NUP160: variants seen among roughly 807,000 people sequenced by gnomAD.
NUP160 encodes the protein nuclear pore complex protein Nup160.
Under a neutral mutation model 196.9 loss-of-function variants are expected in NUP160, and 94 were observed. That is an observed-to-expected ratio of 0.48 (90% CI 0.40 to 0.57). The LOEUF (loss-of-function observed/expected upper bound fraction) is 0.57, where lower values mean the gene tolerates loss of function less well. Ranked by LOEUF, NUP160 falls within the 20% of genes least tolerant of loss-of-function variation. NUP160 has a pLI of 0.00. For synonymous variants in NUP160, 605 were observed against 619.7 expected, an observed-to-expected ratio of 0.98 and a Z score of 0.35; for missense variants, 1,638 against 1,748.3, an observed-to-expected ratio of 0.94 and a Z score of 1.13.
At chr11:47,816,726 A>C (rs2097684680) in intron 11 of NUP160, among the ~76,000 whole-genome samples, 2 of 152,092 alleles carry the variant, frequency 1.3e-5, no homozygotes, top group African/African-American at 4.8e-5. Flanking sequence ...CAGTGAGCCA[A>C]GATCGTGCCA....
At chr11:47,838,609 G>A (rs1284683511) in intron 4 of NUP160, among the ~76,000 whole-genome samples, 1 of 150,520 alleles carries the variant, frequency 6.6e-6, no homozygotes, top group African/African-American at 2.5e-5. Flanking sequence ...TTGGGAGGCT[G>A]AGACATGAGA....
chr11:47,826,890 T>G (rs7110300), intron 7 of NUP160, among the ~76,000 whole-genome samples: 52,714 of 151,944 alleles, frequency 0.35, 10,583 homozygotes, highest in South Asian at 0.52. Flanking sequence ...TAACACTGCA[T>G]TATTTGCCTT....
chr11:47,822,306 G>A (rs1260540381), intron 7 of NUP160, 142 bp from the exon 8 acceptor site: 15 of 491,416 alleles, frequency 3.1e-5, no homozygotes, highest in Admixed American at 7.7e-5. Flanking sequence ...TGCCCAGGCT[G>A]GAGTGCAATG....
exon 25 of NUP160, chr11:47,798,171 C>T (rs927291284): frequency 6.2e-7 from 1 of 1,608,608 alleles, no homozygotes; most frequent in Non-Finnish European, 8.5e-7. Flanking sequence ...AAATTACCTG[C>T]TGGAATCAGG....
At chr11:47,811,417 G>A (rs186965076) in intron 17 of NUP160, among the ~76,000 whole-genome samples, 493 of 151,622 alleles carry the variant, frequency 3.3e-3, no homozygotes, top group Non-Finnish European at 5.0e-3. Flanking sequence ...GCTGAGGCAG[G>A]AGAATTGCTT....
At chr11:47,786,821 C>T (rs936670991) in intron 31 of NUP160, among the ~76,000 whole-genome samples, 8 of 151,962 alleles carry the variant, frequency 5.3e-5, no homozygotes, top group Non-Finnish European at 7.4e-5. Context: ...TGGAGTCTTG[C>T]TCTGTCACCC....
chr11:47,819,211 G>C (rs752614357), intron 10 of NUP160, among the ~76,000 whole-genome samples, 163 bp downstream of exon 10: 1 of 151,862 alleles, frequency 6.6e-6, no homozygotes, highest in Non-Finnish European at 1.5e-5. Flanking sequence ...TACTCGGGAG[G>C]CTGAGGCAAG....
At chr11:47,784,159 T>A (rs1319108650) in intron 33 of NUP160, among the ~76,000 whole-genome samples, 1 of 152,246 alleles carries the variant, frequency 6.6e-6, no homozygotes, top group East Asian at 1.9e-4. Flanking sequence ...TTAGCATGCA[T>A]CAAAATCAAA....
chr11:47,788,414 C>T, intron 30 of NUP160, 87 bp downstream of exon 30: 1 of 1,533,672 alleles, frequency 6.5e-7, no homozygotes, highest in South Asian at 1.1e-5. Flanking sequence ...GGCTTTATAC[C>T]CATCTACCAT....
At chr11:47,803,461 G>A (rs1455709527) in exon 22 of NUP160, 1 of 1,608,162 alleles carries the variant, frequency 6.2e-7, no homozygotes, top group Non-Finnish European at 8.5e-7. Flanking sequence ...CCTGTAACTA[G>A]GTAACACCTT....
intron 13 of NUP160, 146 bp from the exon 14 acceptor site, chr11:47,813,561 G>T (rs2097682362): frequency 1.7e-6 from 1 of 593,566 alleles, no homozygotes; most frequent in Non-Finnish European, 3.0e-6. Flanking sequence ...TGGGCACAGT[G>T]GCTCACATCT....
At position 47,798,477 on chromosome 11, in the gene NUP160, G is replaced by C. The variant is rs1296805132; in HGVS notation, c.2896-14C>G. The stretch of plus-strand genomic sequence containing the variant: ...TAGTCGTAAAACCTAACGAGAAATA[G>C]AAGAAATTTCCATTAAAATTAATAT... On this transcript the variant is annotated splice_polypyrimidine_tract_variant and intron_variant, in intron 23 of 35. Coordinates refer to ENST00000378460, the Ensembl canonical transcript of NUP160. 1 of 1,395,376 alleles carries C rather than the reference G, an allele frequency of 7.2e-7. No individual in the cohort carries two copies. Among genetic ancestry groups the C allele is most frequent in the African/African-American group, 1.4e-5 (1 of 69,584 alleles). The allele number at this position is 1,395,376 out of a possible 1,614,324, so 86.4% of individuals were successfully genotyped here.
intron 8 of NUP160, 111 bp from the exon 9 acceptor site, chr11:47,821,932 T>C: frequency 9.9e-7 from 1 of 1,007,210 alleles, no homozygotes; most frequent in Non-Finnish European, 1.5e-6. Context: ...CAAAACATGG[T>C]ACCACATGAA....
At chr11:47,809,531 T>C (rs2097679812) in intron 17 of NUP160, among the ~76,000 whole-genome samples, 1 of 151,998 alleles carries the variant, frequency 6.6e-6, no homozygotes, top group African/African-American at 2.4e-5. Context: ...GGCAGATCAC[T>C]TGAGGCCAGG....
intron 10 of NUP160, 23 bp downstream of exon 10, chr11:47,819,351 A>G (rs1302813199): frequency 1.4e-6 from 2 of 1,467,406 alleles, no homozygotes; most frequent in Admixed American, 1.7e-5. Context: ...ATTCCCTTAT[A>G]TAACATTTGA....
intron 21 of NUP160, among the ~76,000 whole-genome samples, 160 bp from the exon 22 acceptor site, chr11:47,803,696 C>T (rs1448134503): frequency 2.6e-5 from 4 of 152,182 alleles, no homozygotes; most frequent in African/African-American, 9.7e-5. Flanking sequence ...CTGTTGCCTT[C>T]CTTCTTCATC....
intron 2 of NUP160, among the ~76,000 whole-genome samples, chr11:47,846,144 A>G (rs188616455): frequency 0.013 from 1,991 of 151,222 alleles, 14 homozygotes; most frequent in Non-Finnish European, 0.022. Context: ...TCAAAAAGAA[A>G]AAAAAAAAAA....
At chr11:47,801,993 A>G in intron 22 of NUP160, 63 bp from the exon 23 acceptor site, 1 of 1,546,220 alleles carries the variant, frequency 6.5e-7, no homozygotes, top group Non-Finnish European at 8.9e-7. Context: ...GCTATGAATC[A>G]GGGGTTCACA....
chr11:47,780,264 A>T, intron 35 of NUP160, 79 bp downstream of exon 35: 1 of 1,002,970 alleles, frequency 1.0e-6, no homozygotes, highest in Non-Finnish European at 1.6e-6. Context: ...CTAATCCCGG[A>T]GAACTGAAGA....
Sources: gnomAD v4.1 joint callset for allele counts (sites outside exome capture counted in the v4.1 genomes callset) on GRCh38, gnomAD v4.1.1 for gene constraint, MANE v1.5 for transcripts, NCBI Gene and HGNC (gene_info 2026-07-23, HGNC 2026-07-21) for gene names.